The following PTPRD variants were observed in gnomAD, a reference collection of about 807,000 sequenced individuals.
PTPRD encodes receptor-type tyrosine-protein phosphatase delta.
Under a neutral mutation model 214.5 loss-of-function variants are expected in PTPRD, and 34 were observed. The observed-to-expected ratio is 0.16, with a 90% CI of 0.12 to 0.21. PTPRD has a LOEUF of 0.21. Among genes scored for constraint, PTPRD ranks in the 10% least tolerant of loss-of-function variants. PTPRD has a pLI of 1.00. For synonymous variants in PTPRD, 1,128 were observed against 845.7 expected (o/e 1.33, Z -5.79); for missense variants, 2,545 against 2,398.7 (o/e 1.06, Z -1.27).
At chr9:9,367,080 C>T (rs2058088442) in intron 9 of PTPRD, among the ~76,000 whole-genome samples, 1 of 151,332 alleles carries the variant, frequency 6.6e-6, no homozygotes, top group Admixed American at 6.6e-5. Flanking sequence ...CTTTGTCCCA[C>T]AGAAAATGAG....
intron 32 of PTPRD, 108 bp downstream of exon 32, chr9:8,465,358 C>G (rs1025071988): frequency 2.0e-6 from 2 of 991,146 alleles, no homozygotes; most frequent in African/African-American, 1.6e-5. Flanking sequence ...AATAACAGTT[C>G]ATGAGAAATA....
chr9:10,184,593 G>A (rs755105240), intron 3 of PTPRD, among the ~76,000 whole-genome samples: 20 of 152,002 alleles, frequency 1.3e-4, no homozygotes, highest in African/African-American at 3.6e-4. Context: ...ATAGCAATTC[G>A]TTATTTAAAT....
At chr9:8,475,768 A>G (rs1044318535) in intron 30 of PTPRD, among the ~76,000 whole-genome samples, 3 of 152,214 alleles carry the variant, frequency 2.0e-5, no homozygotes, top group African/African-American at 4.8e-5. Flanking sequence ...GCTAAGTTCT[A>G]TCACTTCCAA....
At chr9:10,451,792 C>T (rs771999832) in intron 2 of PTPRD, among the ~76,000 whole-genome samples, 1 of 151,960 alleles carries the variant, frequency 6.6e-6, no homozygotes, top group African/African-American at 2.4e-5. Context: ...GTTCTTAATA[C>T]GAATGCTTTC....
Position 8,722,600 on chromosome 9 carries a change from T to A in PTPRD, c.64+11180A>T, listed in dbSNP as rs574347899. ...ACAAATCACTTAGGAATCCTATTGC[T>A]GTAATTTTGACAAAATGGAAGCATA... On this transcript the variant is annotated intron_variant, in intron 12 of 45. Transcript: ENST00000381196. Among the ~76,000 whole-genome samples, 264 of 152,296 alleles carry A rather than the reference T, an allele frequency of 1.7e-3. 1 individual carries two copies. The highest frequency in any genetic ancestry group is 6.0e-3 in the African/African-American group (251 of 41,574).
At chr9:8,662,098 T>C (rs150226008) in intron 12 of PTPRD, among the ~76,000 whole-genome samples, 2 of 152,128 alleles carry the variant, frequency 1.3e-5, no homozygotes, top group Non-Finnish European at 2.9e-5. Context: ...TGTTTTGTTT[T>C]TCATAGAGCT....
intron 9 of PTPRD, among the ~76,000 whole-genome samples, chr9:9,328,618 CTTTTTTTTTTTTTTTTTTTTT>C (rs869076374): frequency 3.5e-4 from 10 of 28,230 alleles, no homozygotes; most frequent in East Asian, 2.6e-3. Context: ...GTTGTTCTTG[CTTTTTTTTTTTTTTTTTTTTT>C]TTTTTTTTTT....
intron 9 of PTPRD, among the ~76,000 whole-genome samples, chr9:9,396,468 T>G (rs957813204): frequency 6.6e-6 from 1 of 152,004 alleles, no homozygotes; most frequent in African/African-American, 2.4e-5. Flanking sequence ...ACAATAAGGC[T>G]TTTAATATTT....
chr9:8,912,773 AT>A (rs2098757110), intron 11 of PTPRD, among the ~76,000 whole-genome samples: 1 of 152,172 alleles, frequency 6.6e-6, no homozygotes, highest in Non-Finnish European at 1.5e-5. Flanking sequence ...GTGGAGCTAA[AT>A]TATCTGAGTT....
intron 11 of PTPRD, among the ~76,000 whole-genome samples, chr9:8,776,972 C>CAT (rs1421798419): frequency 4.7e-5 from 7 of 147,424 alleles, no homozygotes; most frequent in East Asian, 2.0e-4. Context: ...ATATTCTATT[C>CAT]ATATATATAT....
intron 5 of PTPRD, among the ~76,000 whole-genome samples, chr9:9,840,210 G>A (rs745367454): frequency 6.6e-6 from 1 of 151,708 alleles, no homozygotes; most frequent in African/African-American, 2.4e-5. Context: ...GCTAATTTTT[G>A]CATTTTTTGT....
chr9:10,352,905 G>T (rs1200734066), intron 2 of PTPRD, among the ~76,000 whole-genome samples: 1 of 151,904 alleles, frequency 6.6e-6, no homozygotes, highest in Non-Finnish European at 1.5e-5. Flanking sequence ...CCTAAATGCT[G>T]CAATACCTTT....
chr9:10,361,025 A>C (rs143353008), intron 2 of PTPRD, among the ~76,000 whole-genome samples: 4,476 of 152,084 alleles, frequency 0.029, 133 homozygotes, highest in African/African-American at 0.074. Flanking sequence ...TGGCGTGAAC[A>C]CGGGAGGCGG....
chr9:9,058,367 A>G (rs1174175299), intron 10 of PTPRD, among the ~76,000 whole-genome samples: 1 of 151,550 alleles, frequency 6.6e-6, no homozygotes, highest in East Asian at 1.9e-4. Flanking sequence ...TGGACTGGCT[A>G]AATCCCCTGA....
At chr9:9,087,405 A>C (rs1225090023) in intron 10 of PTPRD, among the ~76,000 whole-genome samples, 3 of 152,118 alleles carry the variant, frequency 2.0e-5, no homozygotes, top group Non-Finnish European at 4.4e-5. Context: ...TAAGTTCAAG[A>C]ATGAGAAAAA....
chr9:10,090,225 G>A (rs1198270343), intron 3 of PTPRD, among the ~76,000 whole-genome samples: 4 of 151,514 alleles, frequency 2.6e-5, no homozygotes, highest in Non-Finnish European at 1.5e-5. Context: ...AAACAACAGT[G>A]TCAAAAATCT....
In PTPRD at chr9:9,758,584, A is replaced by G. The variant is rs1378570462; in HGVS notation, c.-326+8226T>C. ...AGATAGAACAGTGGCTACAACCAAC[A>G]AAGGAGAGACAGCACTTGCCAAGGA... On this transcript the variant is annotated intron_variant, in intron 6 of 45. Transcript: ENST00000381196. 3.9e-5 allele frequency among the ~76,000 whole-genome samples: 6 copies of G among 152,296 alleles called. No individual in the cohort carries two copies. The East Asian group carries it at 1.2e-3, about 29-fold the overall frequency.
intron 39 of PTPRD, among the ~76,000 whole-genome samples, chr9:8,367,856 T>C (rs964634724): frequency 3.9e-5 from 6 of 152,240 alleles, no homozygotes; most frequent in Admixed American, 3.9e-4. Context: ...TGAATCACTT[T>C]ACACGGCTCT....
intron 6 of PTPRD, among the ~76,000 whole-genome samples, chr9:9,735,354 A>G (rs181928117): frequency 8.3e-4 from 126 of 152,252 alleles, no homozygotes; most frequent in African/African-American, 3.0e-3. Context: ...TTCTTTAAAC[A>G]TTTGATGGTA....
Sources: gnomAD v4.1 joint callset for allele counts (sites outside exome capture counted in the v4.1 genomes callset) on GRCh38, gnomAD v4.1.1 for gene constraint, MANE v1.5 for transcripts, NCBI Gene and HGNC (gene_info 2026-07-23, HGNC 2026-07-21) for gene names.